TRNT1: variants seen among roughly 807,000 people sequenced by gnomAD.
The protein encoded by TRNT1 is tRNA nucleotidyl transferase 1.
Under a neutral mutation model 45.6 loss-of-function variants are expected in TRNT1, and 44 were observed. The observed-to-expected ratio is 0.97, with a 90% CI of 0.76 to 1.24. TRNT1 has a LOEUF of 1.24. Ranked by LOEUF, TRNT1 falls within the 50% of genes most tolerant of loss-of-function variation. TRNT1 has a pLI of 0.00. For missense variants in TRNT1, 633 were observed against 504.4 expected (o/e 1.25, Z -2.44); for synonymous variants, 201 against 171.4 (o/e 1.17, Z -1.35).
At chr3:3,141,445 C>G (rs543177859) in intron 4 of TRNT1, among the ~76,000 whole-genome samples, 17 of 152,280 alleles carry the variant, frequency 1.1e-4, no homozygotes, top group African/African-American at 3.6e-4. Flanking sequence ...TGAATGACTT[C>G]AGCACTTTTT....
chr3:3,146,788 A>C (rs1277364626), intron 6 of TRNT1, among the ~76,000 whole-genome samples, 165 bp downstream of exon 6: 2 of 152,192 alleles, frequency 1.3e-5, no homozygotes, highest in African/African-American at 4.8e-5. Context: ...TGTCGTGAGT[A>C]GGGAAGAGCT....
At chr3:3,130,110 C>A in intron 2 of TRNT1, 1 of 734,164 alleles carries the variant, frequency 1.4e-6, no homozygotes, top group East Asian at 2.7e-5. Flanking sequence ...AGCAGCCACA[C>A]AGTAGCATTA....
At position 3,148,367 on chromosome 3, in the gene TRNT1, C is replaced by G; in HGVS notation, c.*213C>G. 1 of 481,614 alleles carries G rather than the reference C, an allele frequency of 2.1e-6. No homozygotes were observed. The highest frequency in any genetic ancestry group is 3.8e-5 in the Admixed American group (1 of 26,218). The allele number at this position is 481,614 out of a possible 1,614,324, so 29.8% of individuals were successfully genotyped here. On this transcript the variant is annotated 3_prime_UTR_variant, in exon 8 of 8. Transcript: ENST00000251607. ...ATTTATATCACTGAAATGTACAGTT[C>G]TTTTGGAATAGTTTCACCTGAGAAA...
downstream of TRNT1, chr3:3,150,362 C>G (rs550252032): frequency 6.6e-6 from 1 of 151,414 alleles, no homozygotes; most frequent in South Asian, 2.1e-4. Flanking sequence ...GAACAAAGCC[C>G]TTTTAGAATA....
downstream of TRNT1, chr3:3,150,721 G>C (rs1331738837): frequency 1.2e-6 from 1 of 815,234 alleles, no homozygotes; most frequent in Non-Finnish European, 1.9e-6. Flanking sequence ...GTTTCACTTA[G>C]AAACTGCAAC....
chr3:3,140,198 TGAA>T (rs1705559432), intron 3 of TRNT1, among the ~76,000 whole-genome samples: 1 of 152,244 alleles, frequency 6.6e-6, no homozygotes, highest in African/African-American at 2.4e-5. Flanking sequence ...GATTTGAAAT[TGAA>T]GAACAGTTTT....
In TRNT1 at chr3:3,144,636, T is replaced by C. The variant is rs1705870000; in HGVS notation, c.534T>C (p.Asn178=). ...TTAATGGTTATGAAGATTTAAAAAA[T>C]AAGAAAGTTAGATTTGTTGGACATG... is the stretch of plus-strand genomic sequence containing the variant. ...DYFNGYEDLK[N]KKVRFVGHAK... The change falls in exon 5 of 8, where the codon AAT becomes AAC. Residue 178 remains asparagine, a synonymous_variant. Transcript: ENST00000251607. 4 of 1,586,048 alleles carry C rather than the reference T, an allele frequency of 2.5e-6. No homozygotes were observed. Among genetic ancestry groups the C allele is most frequent in the Non-Finnish European group, 3.4e-6 (4 of 1,159,492 alleles).
intron 3 of TRNT1, 97 bp from the exon 4 acceptor site, chr3:3,140,413 A>G: frequency 2.5e-6 from 3 of 1,215,544 alleles, no homozygotes; most frequent in Non-Finnish European, 3.5e-6. Context: ...GGCTTATAGT[A>G]CCATCCCTTT....
At chr3:3,127,685 A>C (rs1704675137) in intron 1 of TRNT1, 1 of 152,258 alleles carries the variant, frequency 6.6e-6, no homozygotes, top group Non-Finnish European at 1.5e-5. Flanking sequence ...CAGGTGGGGA[A>C]GTAGGGTGAT....
Position 3,148,966 on chromosome 3 carries a change from T to TCTCTAAAGATTTATC in TRNT1, c.*824_*825insATCCTCTAAAGATTT, listed in dbSNP as rs1223371293. On this transcript the variant is annotated 3_prime_UTR_variant, in exon 8 of 8. Transcript: ENST00000251607. ...AAAGGATATGGCTATTATTATATAT[T>TCTCTAAAGATTTATC]CTCTAAAGATTTGAGTCCTAAATGC... The TCTCTAAAGATTTATC allele has an allele frequency of 6.6e-6, 1 of 151,568 alleles. No homozygotes were observed. Among genetic ancestry groups the TCTCTAAAGATTTATC allele is most frequent in the African/African-American group, 2.4e-5 (1 of 41,094 alleles). 9.4% of individuals were successfully genotyped at this position (151,568 alleles called of 1,614,324 possible). A position where few individuals can be genotyped will look rare whatever the true frequency, so the allele number is the denominator to read the frequency against.
intron 2 of TRNT1, chr3:3,130,617 AT>A (rs1274244552): frequency 2.6e-5 from 4 of 152,272 alleles, no homozygotes; most frequent in Non-Finnish European, 5.9e-5. Flanking sequence ...CCCATATGTA[AT>A]ATAAACTTTT....
At chr3:3,150,891 G>GACTT (rs760631630), downstream of TRNT1, 2 of 1,613,694 alleles carry the variant, frequency 1.2e-6, no homozygotes, top group Non-Finnish European at 1.7e-6. Flanking sequence ...ACTTTGTCTG[G>GACTT]ACTTATTTCA....
intron 4 of TRNT1, among the ~76,000 whole-genome samples, chr3:3,141,431 A>G (rs1017177747): frequency 9.2e-5 from 14 of 152,320 alleles, no homozygotes; most frequent in Middle Eastern, 3.4e-3. Flanking sequence ...CTGGCAAACA[A>G]TGGTGAATGA....
chr3:3,136,510 C>G (rs2126015944), intron 2 of TRNT1, among the ~76,000 whole-genome samples: 1 of 152,270 alleles, frequency 6.6e-6, no homozygotes. Flanking sequence ...GTGGTATAGA[C>G]TAATGTCTGA....
At chr3:3,145,979 A>C (rs1343475744) in intron 5 of TRNT1, among the ~76,000 whole-genome samples, 1 of 146,190 alleles carries the variant, frequency 6.8e-6, no homozygotes, top group Non-Finnish European at 1.5e-5. Flanking sequence ...GTTTTCCTTG[A>C]AAGTACTAAT....
downstream of TRNT1, chr3:3,151,129 T>TTAGA: frequency 7.1e-7 from 1 of 1,404,924 alleles, no homozygotes; most frequent in Non-Finnish European, 9.9e-7. Context: ...AAGACAGACT[T>TTAGA]TAGAGGCAAA....
intron 4 of TRNT1, among the ~76,000 whole-genome samples, chr3:3,142,221 A>G (rs1705696878): frequency 6.6e-6 from 1 of 152,212 alleles, no homozygotes; most frequent in Non-Finnish European, 1.5e-5. Flanking sequence ...AGAGAAACTA[A>G]TACTCTTTTT....
At chr3:3,131,439 A>G (rs1030962995) in intron 2 of TRNT1, 2 of 152,194 alleles carry the variant, frequency 1.3e-5, no homozygotes, top group African/African-American at 2.4e-5. Flanking sequence ...CATTTTAACA[A>G]TTGTGTTTAA....
chr3:3,144,816 C>G, intron 5 of TRNT1, 106 bp downstream of exon 5: 1 of 1,177,574 alleles, frequency 8.5e-7, no homozygotes, highest in Non-Finnish European at 1.1e-6. Context: ...TGGTGACATC[C>G]CAAATGTCTG....
Sources: gnomAD v4.1 joint callset for allele counts (sites outside exome capture counted in the v4.1 genomes callset) on GRCh38, gnomAD v4.1.1 for gene constraint, MANE v1.5 for transcripts, NCBI Gene and HGNC (gene_info 2026-07-23, HGNC 2026-07-21) for gene names.